Variants in EFCAB11 observed in about 807,000 individuals in gnomAD.
EFCAB11 encodes EF-hand calcium binding domain 11, also known as EF-hand calcium-binding domain-containing protein 11.
Under a neutral mutation model 23.0 loss-of-function variants are expected in EFCAB11, and 14 were observed. That is an observed-to-expected ratio of 0.61 (90% CI 0.40 to 0.95). EFCAB11 has a LOEUF of 0.95. Among genes scored for constraint, EFCAB11 ranks in the 40% least tolerant of loss-of-function variants. The probability of loss-of-function intolerance (pLI) is 0.00; values close to 1 mark genes in which losing one functional copy is unlikely to be tolerated. For missense variants in EFCAB11, 198 were observed against 195.8 expected (o/e 1.01, Z -0.07); for synonymous variants, 65 against 66.6 (o/e 0.98, Z 0.11).
intron 5 of EFCAB11, among the ~76,000 whole-genome samples, chr14:89,861,483 T>C (rs1887918466): frequency 6.6e-6 from 1 of 152,206 alleles, no homozygotes; most frequent in African/African-American, 2.4e-5. Flanking sequence ...GATGAAGACC[T>C]TTCTCATCAT....
intron 5 of EFCAB11, among the ~76,000 whole-genome samples, chr14:89,810,882 A>G (rs1886130878): frequency 1.3e-5 from 2 of 152,296 alleles, no homozygotes; most frequent in Admixed American, 1.3e-4. Context: ...AAAAGACAAG[A>G]GTCCCTTTGA....
intron 5 of EFCAB11, among the ~76,000 whole-genome samples, chr14:89,902,894 A>T (rs1004472103): frequency 1.3e-5 from 2 of 152,188 alleles, no homozygotes; most frequent in Non-Finnish European, 2.9e-5. Context: ...TCTAGCAATG[A>T]TATTAGCTAT....
At chr14:89,806,013 T>G (rs1885957527) in intron 5 of EFCAB11, among the ~76,000 whole-genome samples, 1 of 152,222 alleles carries the variant, frequency 6.6e-6, no homozygotes, top group South Asian at 2.1e-4. Context: ...GCTTGCTGTA[T>G]CCAACAGAAA....
chr14:89,876,728 T>C (rs933792307), intron 5 of EFCAB11, among the ~76,000 whole-genome samples: 2 of 152,202 alleles, frequency 1.3e-5, no homozygotes, highest in Non-Finnish European at 2.9e-5. Flanking sequence ...CCAATCCCCG[T>C]TTATGCATCT....
intron 5 of EFCAB11, among the ~76,000 whole-genome samples, chr14:89,843,023 T>C (rs931937337): frequency 6.6e-6 from 1 of 152,154 alleles, no homozygotes; most frequent in Admixed American, 6.5e-5. Context: ...TACCACACTT[T>C]ATGGGACTTA....
chr14:89,950,049 T>A (rs1228178792), intron 3 of EFCAB11, 48 bp downstream of exon 3: 1 of 1,483,742 alleles, frequency 6.7e-7, no homozygotes, highest in Non-Finnish European at 9.1e-7. Flanking sequence ...CCAAGCCATC[T>A]CAGTGTCTAA....
chr14:89,916,156 G>GAAAAAAAA (rs10569453), intron 5 of EFCAB11, among the ~76,000 whole-genome samples: 1 of 138,824 alleles, frequency 7.2e-6, no homozygotes. Flanking sequence ...GAATGGCTCA[G>GAAAAAAAA]AAAAAAAAAA....
chr14:89,832,111 G>C (rs1382698563), intron 5 of EFCAB11, among the ~76,000 whole-genome samples: 1 of 152,072 alleles, frequency 6.6e-6, no homozygotes, highest in Non-Finnish European at 1.5e-5. Context: ...TCATGAGTTC[G>C]AGACCAGCCT....
chr14:89,921,976 T>C (rs1222420071), intron 5 of EFCAB11, among the ~76,000 whole-genome samples: 2 of 152,214 alleles, frequency 1.3e-5, no homozygotes, highest in East Asian at 3.8e-4. Context: ...GAGAAATTGA[T>C]TCCTTTTTCT....
intron 5 of EFCAB11, chr14:89,830,189 G>C (rs1271119755): frequency 6.6e-6 from 1 of 152,078 alleles, no homozygotes; most frequent in African/African-American, 2.4e-5. Flanking sequence ...TATCAAGTAG[G>C]AAGCAATCCC....
chr14:89,936,575 A>G (rs1210021845), intron 3 of EFCAB11, among the ~76,000 whole-genome samples: 2 of 152,178 alleles, frequency 1.3e-5, no homozygotes, highest in African/African-American at 4.8e-5. Flanking sequence ...TAGGGGTTAA[A>G]CTCATCAAGC....
intron 5 of EFCAB11, among the ~76,000 whole-genome samples, chr14:89,877,227 A>G (rs1381589699): frequency 1.3e-5 from 2 of 151,910 alleles, no homozygotes. Flanking sequence ...TTTAGTAGAG[A>G]CGGGGTTTCA....
chr14:89,796,693 G>C lies in EFCAB11; in HGVS notation c.*550C>G, dbSNP rs1019738114. 1 of 152,542 alleles carries C rather than the reference G, an allele frequency of 6.6e-6. No homozygotes were observed. The highest frequency in any genetic ancestry group is 1.5e-5 in the Non-Finnish European group (1 of 68,302). 9.4% of individuals were successfully genotyped at this position (152,542 alleles called of 1,614,324 possible). Reference sequence around the variant, plus strand: ...TCTGTATGTGTAGGTGCTATTATTTGTTCAACCAATGTTGAGCAAATGAAG... The same window carrying C: ...TCTGTATGTGTAGGTGCTATTATTTCTTCAACCAATGTTGAGCAAATGAAG... On this transcript the variant is annotated 3_prime_UTR_variant, in exon 6 of 6. Coordinates refer to ENST00000316738, the MANE Select transcript of EFCAB11 (RefSeq NM_145231.4).
chr14:89,891,707 G>GCGCACA (rs1408461876), intron 5 of EFCAB11, among the ~76,000 whole-genome samples: 26 of 152,006 alleles, frequency 1.7e-4, no homozygotes, highest in African/African-American at 6.3e-4. Context: ...ACACACGCAC[G>GCGCACA]CGCACACGCA....
chr14:89,822,468 C>G (rs946734050), intron 5 of EFCAB11, among the ~76,000 whole-genome samples: 1 of 152,158 alleles, frequency 6.6e-6, no homozygotes, highest in Admixed American at 6.5e-5. Context: ...AAATTTTCAG[C>G]ACCTAGGTTG....
intron 5 of EFCAB11, among the ~76,000 whole-genome samples, chr14:89,889,546 A>C (rs1888897602): frequency 6.6e-6 from 1 of 152,254 alleles, no homozygotes; most frequent in Non-Finnish European, 1.5e-5. Flanking sequence ...TCTGCTTACA[A>C]GCCTGGCCCT....
At chr14:89,851,825 G>A (rs1232856940) in intron 5 of EFCAB11, among the ~76,000 whole-genome samples, 1 of 152,200 alleles carries the variant, frequency 6.6e-6, no homozygotes, top group Non-Finnish European at 1.5e-5. Context: ...AAAGTAAAAG[G>A]AAGAGGGATG....
intron 2 of EFCAB11, 96 bp from the exon 3 acceptor site, chr14:89,950,238 T>C: frequency 1.5e-6 from 2 of 1,320,216 alleles, no homozygotes; most frequent in Non-Finnish European, 2.0e-6. Flanking sequence ...ATCTATTTTA[T>C]GAGAAACCAA....
At chr14:89,914,917 C>G (rs1248186225) in intron 5 of EFCAB11, among the ~76,000 whole-genome samples, 3 of 152,060 alleles carry the variant, frequency 2.0e-5, no homozygotes, top group African/African-American at 7.2e-5. Flanking sequence ...GGCTACTGCT[C>G]CATTTGGACT....
Sources: allele counts gnomAD v4.1 joint callset (sites outside exome capture counted in the v4.1 genomes callset), GRCh38; gene constraint gnomAD v4.1.1; transcripts MANE v1.5; gene names NCBI Gene and HGNC (gene_info 2026-07-23, HGNC 2026-07-21).